The following ADTRP variants were observed in gnomAD, a reference collection of about 807,000 sequenced individuals.
The protein encoded by ADTRP is androgen dependent TFPI regulating protein, also known as androgen-dependent TFPI-regulating protein.
ADTRP carries 20 observed loss-of-function variants against 27.0 expected under a neutral mutation model. That is an observed-to-expected ratio of 0.74 (90% CI 0.52 to 1.08). The LOEUF is 1.08. Among genes scored for constraint, ADTRP ranks in the 50% least tolerant of loss-of-function variants. The pLI is 0.00. For missense variants in ADTRP, 251 were observed against 275.0 expected, an observed-to-expected ratio of 0.91 and a Z score of 0.62; for synonymous variants, 101 against 105.2, an observed-to-expected ratio of 0.96 and a Z score of 0.25.
intron 1 of ADTRP, among the ~76,000 whole-genome samples, chr6:11,771,899 C>T (rs185670812): frequency 1.3e-5 from 2 of 152,270 alleles, no homozygotes; most frequent in South Asian, 2.1e-4. Context: ...CAGGAGAAAC[C>T]GACCTTGCCC....
chr6:11,714,559 T>TA, intron 5 of ADTRP, 47 bp from the exon 6 acceptor site: 2 of 1,592,696 alleles, frequency 1.3e-6, no homozygotes, highest in Non-Finnish European at 1.7e-6. Context: ...AGGCTTTCCC[T>TA]AATGGGTATT....
chr6:11,749,387 T>C (rs1038452723), intron 3 of ADTRP, among the ~76,000 whole-genome samples: 9 of 152,144 alleles, frequency 5.9e-5, no homozygotes, highest in African/African-American at 2.2e-4. Context: ...TACTGATATA[T>C]ACAGTAGCAA....
chr6:11,729,245 A>G (rs1464231705), intron 4 of ADTRP, among the ~76,000 whole-genome samples: 2 of 152,112 alleles, frequency 1.3e-5, no homozygotes, highest in Admixed American at 1.3e-4. Flanking sequence ...AATCAAACAG[A>G]AAGAGTCAGG....
chr6:11,773,740 G>C (rs1402748474), intron 1 of ADTRP, among the ~76,000 whole-genome samples: 2 of 152,208 alleles, frequency 1.3e-5, no homozygotes, highest in Non-Finnish European at 2.9e-5. Flanking sequence ...GAAGCACAGA[G>C]AAGTTAGGCA....
intron 4 of ADTRP, among the ~76,000 whole-genome samples, chr6:11,724,877 T>G (rs566020080): frequency 5.3e-5 from 8 of 152,340 alleles, no homozygotes; most frequent in African/African-American, 1.9e-4. Flanking sequence ...GTTCAAAAGC[T>G]TCCATCTCCA....
Position 11,714,305 on chromosome 6 carries a change from A to G in ADTRP, c.*173T>C. On this transcript the variant is annotated 3_prime_UTR_variant, in exon 6 of 6. Transcript: ENST00000414691. ...GCAGTCAACCTTTCAAAAAACCAAG[A>G]GTTCTCAAGTTAAGCTACCTTCACG... 1 of 686,730 alleles carries G rather than the reference A, an allele frequency of 1.5e-6. No individual in the cohort carries two copies. Among genetic ancestry groups the G allele is most frequent in the Non-Finnish European group, 2.4e-6 (1 of 416,032 alleles). 42.5% of individuals were successfully genotyped at this position (686,730 alleles called of 1,614,324 possible). A position where few individuals can be genotyped will look rare whatever the true frequency, so the allele number is the denominator to read the frequency against.
intron 1 of ADTRP, among the ~76,000 whole-genome samples, chr6:11,770,539 A>G (rs1763736639): frequency 6.6e-6 from 1 of 152,156 alleles, no homozygotes; most frequent in Non-Finnish European, 1.5e-5. Flanking sequence ...TAAAGGTACT[A>G]AAGAACGGCC....
intron 1 of ADTRP, among the ~76,000 whole-genome samples, chr6:11,776,271 C>G (rs1415252144): frequency 2.6e-5 from 4 of 152,120 alleles, no homozygotes; most frequent in Non-Finnish European, 4.4e-5. Flanking sequence ...CCAGAAGATA[C>G]CAGAAGAGAG....
chr6:11,763,901 C>A (rs1561770337), intron 3 of ADTRP, among the ~76,000 whole-genome samples: 1 of 152,198 alleles, frequency 6.6e-6, no homozygotes, highest in Non-Finnish European at 1.5e-5. Context: ...ACACCTGAGG[C>A]CAATTTTGCT....
chr6:11,768,185 C>T, intron 2 of ADTRP, 64 bp downstream of exon 2: 1 of 1,579,512 alleles, frequency 6.3e-7, no homozygotes, highest in Non-Finnish European at 8.6e-7. Context: ...GCTTGGCTGC[C>T]CAGGAGAAGC....
intron 1 of ADTRP, among the ~76,000 whole-genome samples, chr6:11,772,563 T>C (rs993938912): frequency 2.6e-5 from 4 of 152,212 alleles, no homozygotes; most frequent in Admixed American, 2.6e-4. Flanking sequence ...GAGCAAGACA[T>C]TACAAGTCTT....
chr6:11,753,649 C>T (rs1281802070), intron 3 of ADTRP, among the ~76,000 whole-genome samples: 1 of 152,188 alleles, frequency 6.6e-6, no homozygotes, highest in African/African-American at 2.4e-5. Flanking sequence ...TTAAACTAAA[C>T]TCCCTGTGCC....
chr6:11,717,170 A>G, intron 5 of ADTRP: 1 of 884,564 alleles, frequency 1.1e-6, no homozygotes, highest in Non-Finnish European at 1.5e-6. Context: ...TATTTTCTTG[A>G]TTGAGAAGCA....
intron 4 of ADTRP, among the ~76,000 whole-genome samples, chr6:11,724,898 G>A (rs892148484): frequency 2.6e-5 from 4 of 152,222 alleles, no homozygotes; most frequent in African/African-American, 9.6e-5. Flanking sequence ...CTGAGGGATG[G>A]CACAATGGGA....
rs1352001515 is a variant in ADTRP at position 11,735,619 on chromosome 6, T to C, written c.455A>G (p.Lys152Arg). Residue 152 changes from lysine to arginine, a missense_variant, in exon 4 of 6, where the codon AAG (lysine) becomes AGG (arginine). Physicochemically the swap from Lys to Arg is conservative, Grantham distance 26. Transcript: ENST00000414691. The part of the protein sequence containing the change: ...VVLRPHSYPS[K>R]KTGLTLLAAA... ...AGCCAGCAAGGTGAGTCCTGTCTTC[T>C]TTGATGGATAGGAGTGAGGCCTGAG... is the stretch of plus-strand genomic sequence containing the variant. The C allele has an allele frequency of 5.6e-6, 9 of 1,614,114 alleles. No individual in the cohort carries two copies. Among genetic ancestry groups the C allele is most frequent in the Admixed American group, 1.7e-5 (1 of 60,018 alleles).
intron 4 of ADTRP, among the ~76,000 whole-genome samples, 156 bp downstream of exon 4, chr6:11,735,411 CA>C (rs1295174788): frequency 6.6e-6 from 1 of 152,196 alleles, no homozygotes; most frequent in African/African-American, 2.4e-5. Context: ...GCATTAAAAT[CA>C]AACAATAAGA....
chr6:11,762,938 T>A (rs183150447), intron 3 of ADTRP, among the ~76,000 whole-genome samples: 5 of 152,334 alleles, frequency 3.3e-5, no homozygotes, highest in Non-Finnish European at 5.9e-5. Context: ...TCTGATTCTA[T>A]CTTTAGTAGG....
intron 4 of ADTRP, among the ~76,000 whole-genome samples, chr6:11,733,551 C>G (rs1031456423): frequency 2.6e-5 from 4 of 152,210 alleles, no homozygotes; most frequent in African/African-American, 9.6e-5. Flanking sequence ...TCCTGCACAT[C>G]TCTCTGTGTG....
At chr6:11,747,739 A>T (rs1295571362) in intron 3 of ADTRP, among the ~76,000 whole-genome samples, 1 of 152,192 alleles carries the variant, frequency 6.6e-6, no homozygotes, top group Non-Finnish European at 1.5e-5. Context: ...CAGGGCCAGC[A>T]GCAGCCCAGC....
Sources: allele counts gnomAD v4.1 joint callset (sites outside exome capture counted in the v4.1 genomes callset), GRCh38; gene constraint gnomAD v4.1.1; transcripts MANE v1.5; gene names NCBI Gene and HGNC (gene_info 2026-07-23, HGNC 2026-07-21).